The following PTPRD variants were observed in gnomAD, a reference collection of about 807,000 sequenced individuals.
PTPRD encodes the protein protein tyrosine phosphatase receptor type D, also known as receptor-type tyrosine-protein phosphatase delta.
In PTPRD, 34 loss-of-function variants were observed where a neutral mutation model predicts 214.5. That is an observed-to-expected ratio of 0.16 (90% confidence interval 0.12 to 0.21). The LOEUF (loss-of-function observed/expected upper bound fraction) is 0.21, where lower values mean the gene tolerates loss of function less well. Ranked by LOEUF, PTPRD falls within the 10% of genes least tolerant of loss-of-function variation. PTPRD has a pLI of 1.00. For missense variants in PTPRD, 2,545 were observed against 2,398.7 expected, an observed-to-expected ratio of 1.06 and a Z score of -1.27; for synonymous variants, 1,128 against 845.7, an observed-to-expected ratio of 1.33 and a Z score of -5.79.
chr9:8,697,676 G>GA (rs2097952873), intron 12 of PTPRD, among the ~76,000 whole-genome samples: 1 of 140,728 alleles, frequency 7.1e-6, no homozygotes, highest in African/African-American at 2.8e-5. Flanking sequence ...ACCTGCCTTG[G>GA]CCTCTCAAAG....
intron 11 of PTPRD, among the ~76,000 whole-genome samples, chr9:8,911,415 T>TGTTGTGTGTGTGTGTG (rs1555510111): frequency 0.067 from 8,344 of 125,290 alleles, 347 homozygotes; most frequent in East Asian, 0.14. Flanking sequence ...TGTGTGTGTG[T>TGTTGTGTGTGTGTGTG]TGTGTGTGTG....
rs546045886 is a variant in PTPRD at position 8,663,773 on chromosome 9, G to A, written c.65-26929C>T. 6.6e-5 allele frequency among the ~76,000 whole-genome samples: 10 copies of A among 152,092 alleles called. No individual in the cohort carries two copies. The East Asian group carries it at 1.9e-3, about 29-fold the overall frequency. ...CCCAAAATGTTGGGATTACAGGTGT[G>A]AGCCACTGTGCCCAGCCTTTAATAG... On this transcript the variant is annotated intron_variant, in intron 12 of 45. Transcript: ENST00000381196.
At chr9:8,477,164 T>C (rs972895062) in intron 30 of PTPRD, among the ~76,000 whole-genome samples, 8 of 151,996 alleles carry the variant, frequency 5.3e-5, no homozygotes, top group African/African-American at 1.7e-4. Context: ...GCTTTATATA[T>C]GGGTAAAATT....
At chr9:9,608,495 G>C (rs1054947526) in intron 7 of PTPRD, among the ~76,000 whole-genome samples, 5 of 152,094 alleles carry the variant, frequency 3.3e-5, no homozygotes, top group African/African-American at 1.2e-4. Context: ...CCCGCATAAA[G>C]TAACCAATGG....
chr9:10,563,909 A>T (rs941013640), intron 2 of PTPRD, among the ~76,000 whole-genome samples: 7 of 151,848 alleles, frequency 4.6e-5, no homozygotes, highest in African/African-American at 1.7e-4. Context: ...TGTAAATAAG[A>T]TCTATAAAAT....
chr9:10,250,322 A>T (rs1432780699), intron 3 of PTPRD, among the ~76,000 whole-genome samples: 1 of 152,122 alleles, frequency 6.6e-6, no homozygotes, highest in Non-Finnish European at 1.5e-5. Context: ...CTATATAACC[A>T]AATTTTAAAT....
At chr9:10,607,093 G>A (rs929186910) in intron 2 of PTPRD, among the ~76,000 whole-genome samples, 7 of 151,856 alleles carry the variant, frequency 4.6e-5, no homozygotes, top group African/African-American at 1.7e-4. Context: ...CTGATCTCAT[G>A]TGAAATGTAT....
chr9:9,028,087 C>T (rs535805551), intron 10 of PTPRD, among the ~76,000 whole-genome samples: 7 of 152,052 alleles, frequency 4.6e-5, no homozygotes, highest in African/African-American at 1.7e-4. Context: ...TTTGCCACAG[C>T]CTTTCAACAC....
At chr9:10,166,092 C>T (rs916398338) in intron 3 of PTPRD, among the ~76,000 whole-genome samples, 2 of 149,250 alleles carry the variant, frequency 1.3e-5, no homozygotes, top group Non-Finnish European at 3.0e-5. Context: ...AATACATAAA[C>T]CTGTGTATTA....
At chr9:8,542,273 G>C (rs979720461) in intron 14 of PTPRD, among the ~76,000 whole-genome samples, 2 of 152,100 alleles carry the variant, frequency 1.3e-5, no homozygotes, top group South Asian at 2.1e-4. Context: ...TTAAAAAATG[G>C]CTTTTTAACT....
chr9:10,207,138 T>C (rs1032456155), intron 3 of PTPRD, among the ~76,000 whole-genome samples: 1 of 152,100 alleles, frequency 6.6e-6, no homozygotes, highest in African/African-American at 2.4e-5. Context: ...CCCAAACAGT[T>C]CTTTTATGCT....
At chr9:10,171,650 G>A (rs1401374863) in intron 3 of PTPRD, among the ~76,000 whole-genome samples, 3 of 151,952 alleles carry the variant, frequency 2.0e-5, no homozygotes. Context: ...TCAGCCTCCT[G>A]AGTAGCTGGG....
At chr9:9,668,289 T>C (rs1193105291) in intron 7 of PTPRD, among the ~76,000 whole-genome samples, 1 of 152,202 alleles carries the variant, frequency 6.6e-6, no homozygotes, top group Non-Finnish European at 1.5e-5. Flanking sequence ...ATTTATTTCC[T>C]GAATGGTCTT....
At position 10,100,642 on chromosome 9, in the gene PTPRD, G is replaced by A. The variant is rs939307645; in HGVS notation, c.-544-66852C>T. Among the ~76,000 whole-genome samples the A allele has an allele frequency of 2.0e-5, 3 of 151,522 alleles. No individual in the cohort carries two copies. In the Admixed American group the frequency reaches 2.0e-4, roughly 10 times the overall value. On this transcript the variant is annotated intron_variant, in intron 3 of 45. Transcript: ENST00000381196. ...TATTATTTATAGTTTTAATACTAATGGTAACAGAAATAAAAATTTTCAAAT... is the reference window on the plus strand; with the variant it reads ...TATTATTTATAGTTTTAATACTAATAGTAACAGAAATAAAAATTTTCAAAT...
At chr9:9,729,364 C>T (rs1331476196) in intron 7 of PTPRD, among the ~76,000 whole-genome samples, 1 of 152,048 alleles carries the variant, frequency 6.6e-6, no homozygotes. Flanking sequence ...ACTGAAAATG[C>T]ACATAGAGGA....
chr9:9,598,764 A>G (rs2093552219), intron 7 of PTPRD, among the ~76,000 whole-genome samples: 1 of 152,006 alleles, frequency 6.6e-6, no homozygotes, highest in African/African-American at 2.4e-5. Flanking sequence ...CCCATATTTA[A>G]TTAATCAATC....
At position 8,376,043 on chromosome 9, in the gene PTPRD, G is replaced by C. The variant is rs371074206; in HGVS notation, c.4554C>G (p.Ala1518=). Reference sequence around the variant, plus strand: ...GTTCTGGAACACCATGATCAGGCCAGGCGGTGAACTGGAATTGTCTCACTT... The same window carrying C: ...GTTCTGGAACACCATGATCAGGCCACGCGGTGAACTGGAATTGTCTCACTT... ...KREVRQFQFT[A]WPDHGVPEHP... Residue 1518 remains alanine (A), a synonymous_variant, in exon 39 of 46, where the codon GCC becomes GCG. Transcript: ENST00000381196. The C allele has an allele frequency of 4.3e-6, 7 of 1,612,814 alleles. No homozygotes were observed. Among genetic ancestry groups the C allele is most frequent in the African/African-American group, 1.3e-5 (1 of 74,798 alleles).
intron 21 of PTPRD, among the ~76,000 whole-genome samples, chr9:8,508,891 C>CTCTGTG (rs1554672472): frequency 7.1e-6 from 1 of 140,506 alleles, no homozygotes; most frequent in Non-Finnish European, 1.6e-5. Context: ...GTGTGTGTGT[C>CTCTGTG]TGTGTGTGTG....
At chr9:10,511,440 G>T (rs2047966952) in intron 2 of PTPRD, among the ~76,000 whole-genome samples, 1 of 151,966 alleles carries the variant, frequency 6.6e-6, no homozygotes, top group South Asian at 2.1e-4. Flanking sequence ...GTCTTGATCT[G>T]TCACCCAGGC....
Sources: gnomAD v4.1 joint callset for allele counts (sites outside exome capture counted in the v4.1 genomes callset) on GRCh38, gnomAD v4.1.1 for gene constraint, MANE v1.5 for transcripts, NCBI Gene and HGNC (gene_info 2026-07-23, HGNC 2026-07-21) for gene names.